Variants in NBPF14 observed in about 807,000 individuals in gnomAD.
The protein encoded by NBPF14 is NBPF member 14, also known as NBPF family member NBPF14.
NBPF14 carries 104 observed loss-of-function variants against 91.2 expected under a neutral mutation model. The observed-to-expected ratio is 1.14, with a 90% CI of 0.97 to 1.34. The LOEUF (loss-of-function observed/expected upper bound fraction) is 1.34, where lower values mean the gene tolerates loss of function less well. Among genes scored for constraint, NBPF14 ranks in the 40% most tolerant of loss-of-function variants. The pLI is 0.00. For synonymous variants in NBPF14, 294 were observed against 303.8 expected (o/e 0.97, Z 0.34); for missense variants, 908 against 783.0 (o/e 1.16, Z -1.91).
rs1469923551 is a variant in NBPF14 at position 148,539,190 on chromosome 1, C to G, written c.7882+220G>C. On this transcript the variant is annotated intron_variant, in intron 63 of 70. Coordinates refer to ENST00000619423, the Ensembl canonical transcript of NBPF14. ...TGCTGAGAGCGGGCTCAGGTTGCCA[C>G]AGGCATGGCTGGAGACTAGGAATAG... 4.4e-3 allele frequency among the ~76,000 whole-genome samples: 333 copies of G among 76,548 alleles called. 32 individuals are homozygous for G. In the East Asian group the frequency reaches 0.063, roughly 14 times the overall value. 50.2% of individuals were successfully genotyped at this position (76,548 alleles called of 152,430 possible).
At position 148,578,870 on chromosome 1, in the gene NBPF14, C is replaced by T. The variant is rs1315766100; in HGVS notation, c.1801+204G>A. Reference sequence around the variant, plus strand: ...AGGTTGGCATGGGCATGGCCTGAGACTAGGAAGAGAGTAAAGCTCACTGAC... The same window carrying T: ...AGGTTGGCATGGGCATGGCCTGAGATTAGGAAGAGAGTAAAGCTCACTGAC... On this transcript the variant is annotated intron_variant, in intron 13 of 70. Transcript: ENST00000619423. Among the ~76,000 whole-genome samples, 3 of 148,900 alleles carry T rather than the reference C, an allele frequency of 2.0e-5. 1 individual carries two copies. The highest frequency in any genetic ancestry group is 7.4e-5 in the African/African-American group (3 of 40,590).
intron 2 of NBPF14, among the ~76,000 whole-genome samples, chr1:148,594,225 C>T (rs1160578045): frequency 3.0e-4 from 42 of 141,714 alleles, no homozygotes; most frequent in African/African-American, 1.1e-3. Context: ...AAGTGTGAGA[C>T]ATAAGACAAT....
chr1:148,566,312 G>C lies in NBPF14; in HGVS notation c.3546C>G (p.Leu1182=), dbSNP rs1457010906. The C allele has an allele frequency of 6.8e-6, 5 of 738,376 alleles. No homozygotes were observed. The African/African-American group carries it at 8.4e-5, about 12-fold the overall frequency. The allele number at this position is 738,376 out of a possible 1,614,324, so 45.7% of individuals were successfully genotyped here. ...CTACTACCTCCAGCAGCTCCCTGCT[G>C]AGCCTGGAAAAGGAGGAAAAGGTAA... The change falls in exon 29 of 71, where the codon CTC becomes CTG. Residue 1182 remains leucine (L), a synonymous_variant. Transcript: ENST00000619423.
At chr1:148,566,206 G>C (rs1180900840) in exon 29 of NBPF14, 1 of 576,222 alleles carries the variant, frequency 1.7e-6, no homozygotes, top group East Asian at 3.3e-5. Context: ...CTTCCATAGG[G>C]CTGGCAGGAG....
At chr1:148,534,505 C>T (rs1350415285) in intron 69 of NBPF14, among the ~76,000 whole-genome samples, 179 bp downstream of exon 69, 1 of 151,180 alleles carries the variant, frequency 6.6e-6, no homozygotes, top group Non-Finnish European at 1.5e-5. Flanking sequence ...TGCTCACTGA[C>T]CCATTTCATG....
intron 39 of NBPF14, 81 bp from the exon 40 acceptor site, chr1:148,557,623 A>T (rs1656889657): frequency 3.5e-6 from 2 of 575,498 alleles, no homozygotes; most frequent in Non-Finnish European, 6.0e-6. Flanking sequence ...ATCCCCACAC[A>T]GGGATCTCAG....
chr1:148,535,111 T>C (rs1654845253), intron 68 of NBPF14, among the ~76,000 whole-genome samples: 3 of 145,150 alleles, frequency 2.1e-5, no homozygotes, highest in South Asian at 4.4e-4. Context: ...GACACACTGA[T>C]GAAGGGGTCA....
At chr1:148,575,595 G>T in intron 17 of NBPF14, 44 bp downstream of exon 17, 1 of 128,398 alleles carries the variant, frequency 7.8e-6, no homozygotes, top group Non-Finnish European at 1.3e-5. Flanking sequence ...CCCCTATCTG[G>T]AAGACCAGGT....
chr1:148,561,906 G>T (rs1570952070), intron 34 of NBPF14, among the ~76,000 whole-genome samples: 1 of 128,670 alleles, frequency 7.8e-6, no homozygotes, highest in Non-Finnish European at 1.5e-5. Context: ...GACACTCTGA[G>T]TTAGTGCCCT....
intron 2 of NBPF14, among the ~76,000 whole-genome samples, chr1:148,594,985 G>A (rs1369179976): frequency 5.4e-5 from 7 of 129,272 alleles, no homozygotes; most frequent in South Asian, 5.6e-4. Flanking sequence ...AGTGAGCCAC[G>A]TTGCACGGCC....
In NBPF14 at chr1:148,539,631, C is replaced by G. The variant is rs1655546061; in HGVS notation, c.7710-49G>C. ...GAATAAGCCAGGGGGAATCAGAAAC[C>G]ACACAGCCCCAGCTAGATTTCATGG... On this transcript the variant is annotated intron_variant, in intron 62 of 70. Coordinates refer to ENST00000619423, the Ensembl canonical transcript of NBPF14. The G allele has an allele frequency of 4.9e-4, 89 of 181,442 alleles. 18 individuals are homozygous for G. Among genetic ancestry groups the G allele is most frequent in the Middle Eastern group, 2.9e-3 (2 of 694 alleles). 11.2% of individuals were successfully genotyped at this position (181,442 alleles called of 1,614,324 possible). A position where few individuals can be genotyped will look rare whatever the true frequency, so the allele number is the denominator to read the frequency against.
At chr1:148,566,479 CA>C (rs1658339547) in intron 28 of NBPF14, among the ~76,000 whole-genome samples, 164 bp from the exon 29 acceptor site, 1 of 139,312 alleles carries the variant, frequency 7.2e-6, no homozygotes. Flanking sequence ...AGAACAGGGC[CA>C]AATGGAAAAG....
chr1:148,533,811 G>T (rs1322160149), intron 70 of NBPF14, 50 bp downstream of exon 70: 5 of 767,280 alleles, frequency 6.5e-6, no homozygotes, highest in Non-Finnish European at 4.8e-6. Context: ...TGAATCTGTT[G>T]CCTCCAGGAG....
chr1:148,580,800 C>CTT lies in NBPF14; in HGVS notation c.1638-1565_1638-1564dup, dbSNP rs1257563102. Among the ~76,000 whole-genome samples the CTT allele has an allele frequency of 8.9e-4, 67 of 74,968 alleles. 5 individuals carry two copies. The highest frequency in any genetic ancestry group is 8.1e-4 in the Admixed American group (6 of 7,386). 49.2% of individuals were successfully genotyped at this position (74,968 alleles called of 152,430 possible). A position where few individuals can be genotyped will look rare whatever the true frequency, so the allele number is the denominator to read the frequency against. The stretch of plus-strand genomic sequence containing the variant: ...GAGAGTGGGAGCAATATTCAACATT[C>CTT]TTTTTTTTTTCCATATGTATAGTTT... On this transcript the variant is annotated intron_variant, in intron 12 of 70. Transcript: ENST00000619423.
rs1659253141 is a variant in NBPF14 at position 148,572,509 on chromosome 1, G to T, written c.2692C>A (p.Gln898Lys). The T allele has an allele frequency of 1.3e-5, 8 of 602,204 alleles. 1 individual carries two copies. Among genetic ancestry groups the T allele is most frequent in the Non-Finnish European group, 2.3e-5 (8 of 343,388 alleles). 37.3% of individuals were successfully genotyped at this position (602,204 alleles called of 1,614,324 possible). ...GAGTAAACAGCACTGCTGTAGGGCT[G>T]GCCTAAGTCAGGCAGTTCAAGATAA... Residue 898 changes from glutamine to lysine, a missense_variant, in exon 21 of 71, where the codon CAG becomes AAG. By Grantham distance (53) the Gln-to-Lys change is moderately conservative. Around this residue, in one of 13 missense-constraint regions of NBPF14, gnomAD observed 447 missense variants for 189.1 expected, o/e 2.36. Coordinates refer to ENST00000619423, the Ensembl canonical transcript of NBPF14.
chr1:148,594,032 A>G, intron 2 of NBPF14, among the ~76,000 whole-genome samples: 1 of 148,560 alleles, frequency 6.7e-6, no homozygotes, highest in East Asian at 1.9e-4. Flanking sequence ...CCTCTCCTCT[A>G]AAACACTGCA....
intron 34 of NBPF14, among the ~76,000 whole-genome samples, chr1:148,561,910 G>T (rs1459659964): frequency 3.1e-4 from 39 of 127,480 alleles, no homozygotes; most frequent in Non-Finnish European, 5.2e-4. Flanking sequence ...CTCTGAGTTA[G>T]TGCCCTCAGG....
At chr1:148,577,861 A>T in intron 14 of NBPF14, 122 bp downstream of exon 14, 1 of 591,840 alleles carries the variant, frequency 1.7e-6, no homozygotes. Flanking sequence ...GCAATGTAGT[A>T]GGCATAATTC....
intron 70 of NBPF14, 72 bp downstream of exon 70, chr1:148,533,789 C>T (rs1393487810): frequency 1.0e-5 from 8 of 764,866 alleles, no homozygotes; most frequent in South Asian, 8.1e-5. Flanking sequence ...ATCAAACACA[C>T]TCTGGTTTCC....
Sources: gnomAD v4.1 joint callset for allele counts (sites outside exome capture counted in the v4.1 genomes callset) on GRCh38, gnomAD v4.1.1 for gene constraint, gnomAD v4.1.1 regional missense constraint, MANE v1.5 for transcripts, NCBI Gene and HGNC (gene_info 2026-07-23, HGNC 2026-07-21) for gene names.